The following OR3A2 variants were observed in gnomAD, a reference collection of about 807,000 sequenced individuals.
OR3A2 encodes the protein olfactory receptor 3A2.
For synonymous variants in OR3A2, 126 were observed against 159.3 expected, an observed-to-expected ratio of 0.79 and a Z score of 1.57; for missense variants, 318 against 392.8, an observed-to-expected ratio of 0.81 and a Z score of 1.61.
chr17:3,280,971 C>A (rs1163115845), intron 1 of OR3A2, among the ~76,000 whole-genome samples: 1 of 152,130 alleles, frequency 6.6e-6, no homozygotes, highest in African/African-American at 2.4e-5. Context: ...GAGAAGCCAT[C>A]CGGGCAGGCT....
At chr17:3,304,763 A>G (rs1235893905) in intron 3 of OR3A2, among the ~76,000 whole-genome samples, 1 of 152,238 alleles carries the variant, frequency 6.6e-6, no homozygotes, top group Non-Finnish European at 1.5e-5. Flanking sequence ...TCATAGGAGA[A>G]TTCTACCAAT....
At chr17:3,300,702 TA>T (rs937083624) in intron 3 of OR3A2, among the ~76,000 whole-genome samples, 329 of 144,070 alleles carry the variant, frequency 2.3e-3, no homozygotes, top group Non-Finnish European at 4.0e-3. Context: ...CTTTTTTTTT[TA>T]AATTATACTT....
At chr17:3,339,154 A>C (rs2049294946) in intron 2 of OR3A2, among the ~76,000 whole-genome samples, 1 of 152,184 alleles carries the variant, frequency 6.6e-6, no homozygotes, top group African/African-American at 2.4e-5. Flanking sequence ...TTATCAGCTT[A>C]AGGAGATTTT....
At chr17:3,329,547 C>T (rs4790134) in intron 3 of OR3A2, among the ~76,000 whole-genome samples, 30,166 of 102,354 alleles carry the variant, frequency 0.29, 4,169 homozygotes, top group Middle Eastern at 0.43. Context: ...TCTGTGGGAT[C>T]GGTGGTGATA....
chr17:3,304,002 A>C (rs1369778330), intron 3 of OR3A2, among the ~76,000 whole-genome samples: 6 of 147,950 alleles, frequency 4.1e-5, no homozygotes, highest in Non-Finnish European at 4.5e-5. Flanking sequence ...AATAATATAT[A>C]TATATATATA....
chr17:3,328,714 T>C (rs1299587390), intron 3 of OR3A2, among the ~76,000 whole-genome samples: 1 of 146,212 alleles, frequency 6.8e-6, no homozygotes, highest in African/African-American at 2.6e-5. Flanking sequence ...TAGCTCTTAT[T>C]ATTTTGAAAT....
intron 2 of OR3A2, among the ~76,000 whole-genome samples, chr17:3,354,978 TA>T (rs2049452928): frequency 6.6e-6 from 1 of 151,372 alleles, no homozygotes; most frequent in Non-Finnish European, 1.5e-5. Context: ...TTTGTTTCAA[TA>T]AATTTTTATT....
At chr17:3,347,418 C>G (rs2049375803) in intron 2 of OR3A2, among the ~76,000 whole-genome samples, 1 of 152,126 alleles carries the variant, frequency 6.6e-6, no homozygotes, top group Non-Finnish European at 1.5e-5. Context: ...CAACAGTCCC[C>G]AGAGTGTGAT....
At chr17:3,310,308 G>A (rs1258533777) in intron 3 of OR3A2, 1 of 531,294 alleles carries the variant, frequency 1.9e-6, no homozygotes, top group South Asian at 1.4e-5. Context: ...GTGGAAGACA[G>A]CCATGGATCT....
intron 2 of OR3A2, among the ~76,000 whole-genome samples, chr17:3,348,966 C>T (rs1005436152): frequency 6.6e-6 from 1 of 152,086 alleles, no homozygotes; most frequent in African/African-American, 2.4e-5. Context: ...AAATACTTTA[C>T]AGACAAGCAA....
At chr17:3,300,101 T>C (rs1453410596) in intron 3 of OR3A2, among the ~76,000 whole-genome samples, 1 of 151,920 alleles carries the variant, frequency 6.6e-6, no homozygotes, top group African/African-American at 2.4e-5. Context: ...CAAAGCATGA[T>C]TTTAACAACT....
At chr17:3,373,793 C>A (rs115591754) in intron 2 of OR3A2, among the ~76,000 whole-genome samples, 3,293 of 152,200 alleles carry the variant, frequency 0.022, 125 homozygotes, top group African/African-American at 0.076. Context: ...CATTTACATT[C>A]AATGTTAATA....
At chr17:3,326,546 T>A (rs1322062851) in intron 3 of OR3A2, among the ~76,000 whole-genome samples, 4 of 146,822 alleles carry the variant, frequency 2.7e-5, no homozygotes, top group Admixed American at 1.4e-4. Flanking sequence ...TGCCTGTCTT[T>A]TTTTTTTCTT....
chr17:3,349,984 C>T (rs111242226), intron 2 of OR3A2, among the ~76,000 whole-genome samples: 18,462 of 143,614 alleles, frequency 0.13, 1,453 homozygotes, highest in African/African-American at 0.25. Flanking sequence ...TTGAAACCAA[C>T]GAGAACAAAG....
chr17:3,306,837 A>G lies in OR3A2; in HGVS notation c.-84-27684T>C, dbSNP rs377189172. Among the ~76,000 whole-genome samples, 3 of 151,688 alleles carry G rather than the reference A, an allele frequency of 2.0e-5. No individual in the cohort carries two copies. The East Asian group carries it at 5.8e-4, about 29-fold the overall frequency. The stretch of plus-strand genomic sequence containing the variant: ...AAAACAAAAACCACTAATAACTTCA[A>G]AAGACATTGTTAGTGTAAGAGAAAG... On this transcript the variant is annotated intron_variant, in intron 3 of 4. Coordinates refer to the OR3A2 transcript ENST00000573491.
chr17:3,288,799 C>A (rs996888391), upstream of OR3A2, among the ~76,000 whole-genome samples: 2 of 152,050 alleles, frequency 1.3e-5, no homozygotes, highest in African/African-American at 4.8e-5. Context: ...ATAGTGAACA[C>A]GTACTTATAC....
At chr17:3,278,241 G>A in exon 2 of OR3A2, 2 of 1,614,218 alleles carry the variant, frequency 1.2e-6, no homozygotes, top group African/African-American at 1.3e-5. Flanking sequence ...TAGAACTGCA[G>A]CTGCCACGTG....
intron 3 of OR3A2, among the ~76,000 whole-genome samples, chr17:3,319,550 C>T (rs1297546310): frequency 6.6e-6 from 1 of 152,068 alleles, no homozygotes; most frequent in East Asian, 1.9e-4. Flanking sequence ...CAACAGTCCC[C>T]AGTATGTGAT....
At chr17:3,326,696 C>G (rs1041725629) in intron 3 of OR3A2, among the ~76,000 whole-genome samples, 1 of 107,524 alleles carries the variant, frequency 9.3e-6, no homozygotes, top group Non-Finnish European at 1.8e-5. Flanking sequence ...AATGCTATCC[C>G]TCCCCCCTCC....
Sources: gnomAD v4.1 joint callset for allele counts (sites outside exome capture counted in the v4.1 genomes callset) on GRCh38, gnomAD v4.1.1 for gene constraint, MANE v1.5 for transcripts, NCBI Gene and HGNC (gene_info 2026-07-23, HGNC 2026-07-21) for gene names.